The following PLEKHN1 variants were observed in gnomAD, a reference collection of about 807,000 sequenced individuals.
The protein encoded by PLEKHN1 is pleckstrin homology domain-containing family N member 1.
Under a neutral mutation model 72.8 loss-of-function variants are expected in PLEKHN1, and 68 were observed. The observed-to-expected ratio is 0.93, with a 90% CI of 0.77 to 1.14. The LOEUF (loss-of-function observed/expected upper bound fraction) is 1.14. PLEKHN1 is among the 50% of genes most tolerant of loss of function. PLEKHN1 has a pLI of 0.00. For missense variants in PLEKHN1, 1,015 were observed against 840.5 expected (o/e 1.21, Z -2.57); for synonymous variants, 454 against 371.6 (o/e 1.22, Z -2.55).
rs763934809 is a variant in PLEKHN1, at chr1:971,311, C to T, written c.709-13C>T. On this transcript the variant is annotated splice_polypyrimidine_tract_variant and intron_variant, in intron 7 of 15. Coordinates refer to ENST00000379410, the MANE Select transcript of PLEKHN1 (RefSeq NM_032129.3). ...AGTTCCCTCATCGCCTGACCCCACC[C>T]CCACCCACCCAGGAGCAGTGGGACC... 10 of 1,562,326 alleles carry T rather than the reference C, an allele frequency of 6.4e-6. No individual in the cohort carries two copies. The highest frequency in any genetic ancestry group is 7.8e-6 in the Non-Finnish European group (9 of 1,153,028).
intron 8 of PLEKHN1, 22 bp from the exon 9 acceptor site, chr1:972,053 G>GC: frequency 6.2e-7 from 1 of 1,609,352 alleles, no homozygotes; most frequent in Non-Finnish European, 8.5e-7. Context: ...CAAAGGCCTG[G>GC]CCCTCAATCT....
At position 974,494 on chromosome 1, in the gene PLEKHN1, C is replaced by T. The variant is rs144673557; in HGVS notation, c.1755C>T (p.Asp585=). The change falls in exon 16 of 16, where the codon GAC becomes GAT. Residue 585 remains aspartate, a synonymous_variant. Coordinates refer to ENST00000379410, the MANE Select transcript of PLEKHN1 (RefSeq NM_032129.3). Reference sequence around the variant, plus strand: ...ACCCCGGCTACGACCACCTCTGGGACGAGACTTTGTCTTCCTCCCACCAGA... The same window carrying T: ...ACCCCGGCTACGACCACCTCTGGGATGAGACTTTGTCTTCCTCCCACCAGA... ...SRDPGYDHLW[D]ETLSSSHQKC... The T allele has an allele frequency of 8.7e-4, 1,396 of 1,612,732 alleles. 1 individual carries two copies. Among genetic ancestry groups the T allele is most frequent in the Non-Finnish European group, 1.1e-3 (1,333 of 1,179,934 alleles).
chr1:974,490 G>A lies in PLEKHN1; in HGVS notation c.1751G>A (p.Trp584Ter). 1.2e-6 allele frequency: 2 copies of A among 1,612,740 alleles called. No homozygotes were observed. Among genetic ancestry groups the A allele is most frequent in the Non-Finnish European group, 1.7e-6 (2 of 1,179,952 alleles). ...CGGGACCCCGGCTACGACCACCTCT[G>A]GGACGAGACTTTGTCTTCCTCCCAC... Reference protein sequence around the residue: ...RSRDPGYDHLWDETLSSSHQK... With the variant: ...RSRDPGYDHL Residue 584 changes from tryptophan (W) to a stop codon, truncating the protein, a stop_gained, in exon 16 of 16, where the codon TGG becomes TAG. Transcript: ENST00000379410. LOFTEE classifies it low-confidence loss of function (END_TRUNC).
Position 970,322 on chromosome 1 carries a change from T to C in PLEKHN1, c.229T>C (p.Phe77Leu). The C allele has an allele frequency of 1.2e-6, 2 of 1,613,392 alleles. No homozygotes were observed. Among genetic ancestry groups the C allele is most frequent in the South Asian group, 2.2e-5 (2 of 91,080 alleles). The change falls in exon 3 of 16, where the codon TTC (phenylalanine) becomes CTC (leucine). Residue 77 changes from phenylalanine to leucine, a missense_variant. Coordinates refer to ENST00000379410, the MANE Select transcript of PLEKHN1 (RefSeq NM_032129.3). The surrounding 1 kb of genome is among the most constrained non-coding windows in gnomAD (Gnocchi z 4.2). ...ENQRENLEQP[F>L]LSVFKKGRRR... ...CCAGCGAGAAAACCTGGAGCAGCCA[T>C]TCCTGAGTGTGTTCAAGAAGGGGCG... is the stretch of plus-strand genomic sequence containing the variant.
At position 970,476 on chromosome 1, in the gene PLEKHN1, T is replaced by C. The variant is rs202226576; in HGVS notation, c.331-45T>C. ...TAAGGGTGCAGCATCCCCATCAGCCTGGGGCTCCCCAGACTCCGCACTGAC... is the reference window on the plus strand; with the variant it reads ...TAAGGGTGCAGCATCCCCATCAGCCCGGGGCTCCCCAGACTCCGCACTGAC... On this transcript the variant is annotated intron_variant, in intron 3 of 15. Coordinates refer to ENST00000379410, the MANE Select transcript of PLEKHN1 (RefSeq NM_032129.3). This position sits in a 1 kb window ranked among gnomAD's most constrained non-coding sequence, Gnocchi z 4.2. 320 of 1,613,098 alleles carry C rather than the reference T, an allele frequency of 2.0e-4. 1 individual carries two copies. The African/African-American group carries it at 3.7e-3, about 19-fold the overall frequency.
intron 14 of PLEKHN1, 38 bp downstream of exon 14, chr1:974,089 C>T (rs770735174): frequency 2.1e-5 from 33 of 1,536,966 alleles, no homozygotes; most frequent in African/African-American, 8.3e-5. Context: ...CCCCGGGCTC[C>T]GGGCTGGCCG....
At position 966,770 on chromosome 1, in the gene PLEKHN1, C is replaced by G. The variant is rs373345786; in HGVS notation, c.150C>G (p.Ala50=). 6.4e-7 allele frequency: 1 copy of G among 1,570,814 alleles called. No homozygotes were observed. The highest frequency in any genetic ancestry group is 1.4e-5 in the African/African-American group (1 of 73,898). ...GPEAARSGDA[A]ANKLFHYIPG... is the part of the protein sequence containing the mutation. Reference sequence around the variant, plus strand: ...AGGCTGCTCGAAGCGGGGACGCCGCCGCCAACAAGCTCTTCCACTACATCC... The same window carrying G: ...AGGCTGCTCGAAGCGGGGACGCCGCGGCCAACAAGCTCTTCCACTACATCC... The change falls in exon 2 of 16, where the codon GCC becomes GCG. Residue 50 remains alanine (A), a synonymous_variant. Transcript: ENST00000379410.
At chr1:974,183 C>A in intron 14 of PLEKHN1, 132 bp downstream of exon 14, 1 of 1,501,296 alleles carries the variant, frequency 6.7e-7, no homozygotes, top group Non-Finnish European at 9.2e-7. Flanking sequence ...CCAGGGGGGC[C>A]AGTAGGGAGT....
rs777277746 is a variant in PLEKHN1, at chr1:966,775, A to G, written c.155A>G (p.Asn52Ser). Residue 52 changes from asparagine (N) to serine (S), a missense_variant, in exon 2 of 16, where the codon AAC (asparagine) becomes AGC (serine). Coordinates refer to ENST00000379410, the MANE Select transcript of PLEKHN1 (RefSeq NM_032129.3). ...GCTCGAAGCGGGGACGCCGCCGCCA[A>G]CAAGCTCTTCCACTACATCCCGGGC... ...EAARSGDAAA[N>S]KLFHYIPGTD... 60 of 1,570,202 alleles carry G rather than the reference A, an allele frequency of 3.8e-5. No individual in the cohort carries two copies. Among genetic ancestry groups the G allele is most frequent in the Non-Finnish European group, 4.9e-5 (57 of 1,159,086 alleles).
chr1:971,374 C>A lies in PLEKHN1; in HGVS notation c.759C>A (p.Phe253Leu). Reference sequence around the variant, plus strand: ...TGTACCCAACGTCCTTGGCCATTTTCTCCGAGGAGCTGGACGGGCTTTGCT... The same window carrying A: ...TGTACCCAACGTCCTTGGCCATTTTATCCGAGGAGCTGGACGGGCTTTGCT... Reference protein sequence around the residue: ...LVLYPTSLAIFSEELDGLCFK... With the variant: ...LVLYPTSLAILSEELDGLCFK... The change falls in exon 8 of 16, where the codon TTC becomes TTA. Residue 253 changes from phenylalanine to leucine, a missense_variant. Phe to Leu is a conservative substitution (Grantham distance 22, BLOSUM62 0). Transcript: ENST00000379410. The A allele has an allele frequency of 6.3e-7, 1 of 1,575,140 alleles. No homozygotes were observed. The highest frequency in any genetic ancestry group is 1.8e-5 in the Admixed American group (1 of 57,018).
At position 973,285 on chromosome 1, in the gene PLEKHN1, G is replaced by A. The variant is rs1305907614; in HGVS notation, c.1252G>A (p.Gly418Ser). Reference sequence around the variant, plus strand: ...ACCCGGGAGCAAGGCCCGGGCAGAGGGCCGCGGCCCTGTCACCCCACTGCA... The same window carrying A: ...ACCCGGGAGCAAGGCCCGGGCAGAGAGCCGCGGCCCTGTCACCCCACTGCA... ...RSPGSKARAE[G>S]RGPVTPLHLD... Residue 418 changes from glycine to serine, a missense_variant, in exon 12 of 16, where the codon GGC (glycine) becomes AGC (serine). Physicochemically the swap from Gly to Ser is moderately conservative, Grantham distance 56. Transcript: ENST00000379410. 1.9e-6 allele frequency: 3 copies of A among 1,541,368 alleles called. No homozygotes were observed. In the Admixed American group the frequency reaches 5.9e-5, roughly 30 times the overall value.
rs1439863023 is a variant in PLEKHN1, at chr1:970,365, G to A, written c.272G>A (p.Arg91Lys). The A allele has an allele frequency of 3.1e-6, 5 of 1,613,480 alleles. No homozygotes were observed. Among genetic ancestry groups the A allele is most frequent in the East Asian group, 4.5e-5 (2 of 44,892 alleles). Reference protein sequence around the residue: ...FKKGRRRVPVRNLGKVVHYAK... With the variant: ...FKKGRRRVPVKNLGKVVHYAK... ...AAGGGGCGGCGGAGGGTGCCTGTGA[G>A]GAACCTGGGAAAAGTTGTGCATTAC... Residue 91 changes from arginine (R) to lysine (K), a missense_variant, in exon 3 of 16, where the codon AGG (arginine) becomes AAG (lysine). Transcript: ENST00000379410. This position sits in a 1 kb window ranked among gnomAD's most constrained non-coding sequence, Gnocchi z 4.2.
chr1:973,652 G>C lies in PLEKHN1; in HGVS notation c.1434+12G>C. Reference sequence around the variant, plus strand: ...GGGGCCTGGAGGAGGTCAGGCCCCTGCTGGGTGACAGAAAGGGTGGGAGGT... The same window carrying C: ...GGGGCCTGGAGGAGGTCAGGCCCCTCCTGGGTGACAGAAAGGGTGGGAGGT... On this transcript the variant is annotated intron_variant, in intron 13 of 15. Coordinates refer to ENST00000379410, the MANE Select transcript of PLEKHN1 (RefSeq NM_032129.3). 1 of 1,611,092 alleles carries C rather than the reference G, an allele frequency of 6.2e-7. No homozygotes were observed. Among genetic ancestry groups the C allele is most frequent in the Non-Finnish European group, 8.5e-7 (1 of 1,179,692 alleles).
At chr1:973,057 G>C (rs202212464) in intron 11 of PLEKHN1, 47 bp downstream of exon 11, 57 of 1,564,468 alleles carry the variant, frequency 3.6e-5, no homozygotes, top group Non-Finnish European at 4.6e-5. Context: ...GAAGGCTGTC[G>C]GGTAGGTGTG....
intron 8 of PLEKHN1, 26 bp downstream of exon 8, chr1:971,430 G>T: frequency 6.5e-7 from 1 of 1,544,892 alleles, no homozygotes; most frequent in East Asian, 2.4e-5. Flanking sequence ...CTGTGGGCCC[G>T]CCCCAGGGAG....
chr1:973,936 G>T lies in PLEKHN1; in HGVS notation c.1538G>T (p.Gly513Val), dbSNP rs772339258. 2 of 1,610,848 alleles carry T rather than the reference G, an allele frequency of 1.2e-6. No individual in the cohort carries two copies. The highest frequency in any genetic ancestry group is 2.2e-5 in the South Asian group (2 of 90,992). The change falls in exon 14 of 16, where the codon GGC (glycine) becomes GTC (valine). Residue 513 changes from glycine (G) to valine (V), a missense_variant. By Grantham distance (109) the Gly-to-Val change is moderately radical. Coordinates refer to ENST00000379410, the MANE Select transcript of PLEKHN1 (RefSeq NM_032129.3). ...TCTGACCCTCGCTCCTGCTCCTCCG[G>T]CCCCGCTGGCCCCTACTTGCTCTCC... ...PASDPRSCSSGPAGPYLLSKK... is the reference protein window; with the variant it reads ...PASDPRSCSSVPAGPYLLSKK...
intron 2 of PLEKHN1, among the ~76,000 whole-genome samples, chr1:969,794 T>C (rs537748382): frequency 6.6e-6 from 1 of 152,326 alleles, no homozygotes; most frequent in African/African-American, 2.4e-5. Flanking sequence ...TATGCATTTA[T>C]ACATGTGTAT....
At chr1:974,243 C>A in intron 14 of PLEKHN1, 73 bp from the exon 15 acceptor site, 1 of 1,601,936 alleles carries the variant, frequency 6.2e-7, no homozygotes, top group Non-Finnish European at 8.5e-7. Context: ...GGGGGCTGCA[C>A]AGTGACAGGC....
chr1:974,322 T>A lies in PLEKHN1; in HGVS notation c.1660T>A (p.Ser554Thr). The A allele has an allele frequency of 6.2e-7, 1 of 1,612,944 alleles. No individual in the cohort carries two copies. The highest frequency in any genetic ancestry group is 8.5e-7 in the Non-Finnish European group (1 of 1,179,994). The change falls in exon 15 of 16, where the codon TCT becomes ACT. Residue 554 changes from serine (S) to threonine (T), a missense_variant. Coordinates refer to ENST00000379410, the MANE Select transcript of PLEKHN1 (RefSeq NM_032129.3). ...QPPDAPQLVS[S>T]AREGSPEPWL... ...TTGCGGTTTGGGGTTCCAGGTCTCC[T>A]CTGCCAGGGAAGGTTCGCCCGAACC...
Sources: allele counts gnomAD v4.1 joint callset (sites outside exome capture counted in the v4.1 genomes callset), GRCh38; gene constraint gnomAD v4.1.1; non-coding constraint Gnocchi (gnomAD v3.1); transcripts MANE v1.5; gene names NCBI Gene and HGNC (gene_info 2026-07-23, HGNC 2026-07-21).